The following DNMT1 variants were observed in gnomAD, a reference collection of about 807,000 sequenced individuals.
DNMT1 encodes the protein DNA (cytosine-5)-methyltransferase 1.
DNMT1 carries 24 observed loss-of-function variants against 205.3 expected under a neutral mutation model. The observed-to-expected ratio is 0.12, with a 90% CI of 0.08 to 0.16. The LOEUF (loss-of-function observed/expected upper bound fraction) is 0.16, where lower values mean the gene tolerates loss of function less well. Ranked by LOEUF, DNMT1 falls within the 10% of genes least tolerant of loss-of-function variation. The pLI is 1.00. For missense variants in DNMT1, 1,293 were observed against 2,177.7 expected, an observed-to-expected ratio of 0.59 and a Z score of 8.09; for synonymous variants, 817 against 839.8, an observed-to-expected ratio of 0.97 and a Z score of 0.47.
chr19:10,179,194 G>A (rs1262271746), intron 5 of DNMT1, among the ~76,000 whole-genome samples: 2 of 151,024 alleles, frequency 1.3e-5, no homozygotes, highest in Middle Eastern at 3.4e-3. Flanking sequence ...AAGAGTCTGA[G>A]AATAAATGTT....
In DNMT1 at chr19:10,159,240, G is replaced by C. The variant is rs922792886; in HGVS notation, c.1280+418C>G. On this transcript the variant is annotated intron_variant, in intron 17 of 40. Transcript: ENST00000359526. This position sits in a 1 kb window ranked among gnomAD's most constrained non-coding sequence, Gnocchi z 5.0. ...GCTTTCCACGTGGCTCTTTGAGACG[G>C]AGTCTTGCTCTGTCGCCCAGGCTGG... Among the ~76,000 whole-genome samples, 1 of 152,198 alleles carries C rather than the reference G, an allele frequency of 6.6e-6. No homozygotes were observed. The highest frequency in any genetic ancestry group is 1.5e-5 in the Non-Finnish European group (1 of 68,044).
intron 26 of DNMT1, 151 bp downstream of exon 26, chr19:10,149,302 G>T: frequency 1.9e-6 from 2 of 1,060,424 alleles, no homozygotes; most frequent in Admixed American, 2.1e-5. Context: ...TCCAGCCTGG[G>T]CAACAAGAGC....
In DNMT1 at chr19:10,151,272, G is replaced by A; in HGVS notation, c.2265+126C>T. 2.1e-6 allele frequency: 3 copies of A among 1,402,304 alleles called. No individual in the cohort carries two copies. Among genetic ancestry groups the A allele is most frequent in the Non-Finnish European group, 3.0e-6 (3 of 1,004,736 alleles). The allele number at this position is 1,402,304 out of a possible 1,614,324, so 86.9% of individuals were successfully genotyped here. On this transcript the variant is annotated intron_variant, in intron 24 of 40. Transcript: ENST00000359526. The surrounding 1 kb of genome is among the most constrained non-coding windows in gnomAD (Gnocchi z 5.0). ...TTGGCCAGTCCCGCTCTTCTCAGGG[G>A]CAAACAGACAGGTTTCTTAGTGCCG... is the stretch of plus-strand genomic sequence containing the variant.
intron 1 of DNMT1, chr19:10,184,673 G>A (rs2039143429): frequency 6.6e-6 from 1 of 152,230 alleles, no homozygotes; most frequent in Non-Finnish European, 1.5e-5. Context: ...GGAACAAGAA[G>A]AGAAGGTACC....
At chr19:10,177,395 A>AG (rs796646410) in intron 5 of DNMT1, 28 bp from the exon 6 acceptor site, 2 of 1,604,120 alleles carry the variant, frequency 1.2e-6, no homozygotes, top group African/African-American at 2.7e-5. Flanking sequence ...AGCATTAAAA[A>AG]GAAAAAAAAA....
chr19:10,145,755 G>A (rs1271373339), intron 28 of DNMT1, among the ~76,000 whole-genome samples: 1 of 152,216 alleles, frequency 6.6e-6, no homozygotes, highest in Non-Finnish European at 1.5e-5. Flanking sequence ...CGGAGAGGAG[G>A]TGTCCTTGGG....
Position 10,160,155 on chromosome 19 carries a change from G to A in DNMT1, c.1044-92C>T, listed in dbSNP as rs943203199. ...TGTGAGGTTTCTGCCTGAGGTGCCT[G>A]TGGCACAGGGAGGCACCGGCTGTGG... On this transcript the variant is annotated intron_variant, in intron 14 of 40. Coordinates refer to ENST00000359526, the MANE Select transcript of DNMT1 (RefSeq NM_001130823.3). 9 of 1,595,512 alleles carry A rather than the reference G, an allele frequency of 5.6e-6. No homozygotes were observed. The Admixed American group carries it at 1.2e-4, about 21-fold the overall frequency.
chr19:10,140,790 G>A lies in DNMT1; in HGVS notation c.3514C>T (p.His1172Tyr). 2 of 1,614,082 alleles carry A rather than the reference G, an allele frequency of 1.2e-6. No individual in the cohort carries two copies. The highest frequency in any genetic ancestry group is 1.7e-6 in the Non-Finnish European group (2 of 1,179,976). ...SGCGGLSEGFHQAGISDTLWA... is the reference protein window; with the variant it reads ...SGCGGLSEGFYQAGISDTLWA... The stretch of plus-strand genomic sequence containing the variant: ...GCCTACGGGCGCTCACCTGCTTGGT[G>A]GAATCCCTCCGACAACCCCCCGCAG... The change falls in exon 32 of 41, where the codon CAC (histidine) becomes TAC (tyrosine). Residue 1172 changes from histidine (H) to tyrosine (Y), a missense_variant. His to Tyr is a moderately conservative substitution (Grantham distance 83, BLOSUM62 2). This residue lies in a region of DNMT1 where 26 missense variants were observed against 86.5 expected (regional missense o/e 0.30). Transcript: ENST00000359526. This position sits in a 1 kb window ranked among gnomAD's most constrained non-coding sequence, Gnocchi z 8.4.
intron 10 of DNMT1, among the ~76,000 whole-genome samples, chr19:10,167,991 T>C (rs2038730203): frequency 6.6e-6 from 1 of 151,972 alleles, no homozygotes; most frequent in African/African-American, 2.4e-5. Context: ...GGCATGGTGG[T>C]ACAGGCCCAT....
Position 10,180,506 on chromosome 19 carries a change from G to A in DNMT1, c.289C>T (p.His97Tyr), listed in dbSNP as rs753670606. 5 of 1,613,976 alleles carry A rather than the reference G, an allele frequency of 3.1e-6. No individual in the cohort carries two copies. The highest frequency in any genetic ancestry group is 1.7e-5 in the Admixed American group (1 of 59,972). The change falls in exon 4 of 41, where the codon CAT (histidine) becomes TAT (tyrosine). Residue 97 changes from histidine to tyrosine, a missense_variant. Physicochemically the swap from His to Tyr is moderately conservative, Grantham distance 83 (BLOSUM62 2). Transcript: ENST00000359526. ...CCATTCACTTCCCGGTTGTAAGCAT[G>A]AGCACCGTTCTCCAAGGACAAATCT... ...NKDLSLENGAHAYNREVNGRL... is the reference protein window; with the variant it reads ...NKDLSLENGAYAYNREVNGRL...
At chr19:10,135,345 A>T in intron 39 of DNMT1, 1 of 287,150 alleles carries the variant, frequency 3.5e-6, no homozygotes, top group Non-Finnish European at 6.9e-6. Flanking sequence ...ATGAAAATAC[A>T]CTTAACTGAG....
At chr19:10,192,338 T>C (rs2039319489) in intron 1 of DNMT1, among the ~76,000 whole-genome samples, 1 of 152,048 alleles carries the variant, frequency 6.6e-6, no homozygotes, top group Non-Finnish European at 1.5e-5. Context: ...ATGTGAACCT[T>C]TATGTGCCAT....
chr19:10,190,837 C>G (rs2039288173), intron 1 of DNMT1, among the ~76,000 whole-genome samples: 1 of 150,988 alleles, frequency 6.6e-6, no homozygotes, highest in South Asian at 2.1e-4. Context: ...AATGAACCGG[C>G]TGGACACCAT....
chr19:10,180,977 C>A (rs768237702), intron 2 of DNMT1, 92 bp from the exon 3 acceptor site: 1 of 998,598 alleles, frequency 1.0e-6, no homozygotes, highest in Non-Finnish European at 1.6e-6. Flanking sequence ...CTGATCACAT[C>A]ACAATGAGTG....
rs1407764455 is a variant in DNMT1, at chr19:10,151,350, C to T, written c.2265+48G>A. 1 of 1,606,010 alleles carries T rather than the reference C, an allele frequency of 6.2e-7. No homozygotes were observed. The highest frequency in any genetic ancestry group is 8.5e-7 in the Non-Finnish European group (1 of 1,179,966). On this transcript the variant is annotated intron_variant, in intron 24 of 40. Transcript: ENST00000359526. The surrounding 1 kb of genome is among the most constrained non-coding windows in gnomAD (Gnocchi z 5.0). ...TGGCGAGATACTAGAGGGCAACCTG[C>T]TTATTGGGAACATGGCAGTGAGCTG... is the stretch of plus-strand genomic sequence containing the variant.
intron 1 of DNMT1, among the ~76,000 whole-genome samples, chr19:10,184,757 C>T (rs4804493): frequency 0.99 from 150,452 of 152,348 alleles, 74,294 homozygotes; most frequent in East Asian, 1. Context: ...TGAGAACAGG[C>T]CTAACCAGCT....
chr19:10,191,364 TAAAAA>T (rs548166248), intron 1 of DNMT1, among the ~76,000 whole-genome samples: 4 of 129,290 alleles, frequency 3.1e-5, no homozygotes, highest in Non-Finnish European at 6.6e-5. Flanking sequence ...TTTCAAAATG[TAAAAA>T]AAAAAAAAAA....
intron 27 of DNMT1, among the ~76,000 whole-genome samples, chr19:10,147,607 A>T (rs994906265): frequency 6.6e-6 from 1 of 151,772 alleles, no homozygotes; most frequent in Non-Finnish European, 1.5e-5. Context: ...GTGAAACTCC[A>T]TCACAAAAAA....
At chr19:10,188,491 G>C (rs1028744773) in intron 1 of DNMT1, among the ~76,000 whole-genome samples, 1 of 151,594 alleles carries the variant, frequency 6.6e-6, no homozygotes, top group Non-Finnish European at 1.5e-5. Flanking sequence ...AGTGAGCCGA[G>C]ATCATGCCAC....
Sources: allele counts gnomAD v4.1 joint callset (sites outside exome capture counted in the v4.1 genomes callset), GRCh38; gene constraint gnomAD v4.1.1; regional missense constraint gnomAD v4.1.1; non-coding constraint Gnocchi (gnomAD v3.1); transcripts MANE v1.5; gene names NCBI Gene and HGNC (gene_info 2026-07-23, HGNC 2026-07-21).